The following EYS variants were observed in gnomAD, a reference collection of about 807,000 sequenced individuals.
EYS encodes EGF-like photoreceptor maintenance factor.
A neutral mutation model predicts 282.1 loss-of-function variants in EYS; 250 were observed. The ratio of observed to expected loss-of-function variants is 0.89; its 90% confidence interval spans 0.80 to 0.98. The LOEUF (loss-of-function observed/expected upper bound fraction) is 0.98. Ranked by LOEUF, EYS falls within the 50% of genes least tolerant of loss-of-function variation. The pLI, the probability that EYS is intolerant of heterozygous loss-of-function variation, is 0.00. For synonymous variants in EYS, 1,355 were observed against 1,282.9 expected (o/e 1.06, Z -1.20); for missense variants, 4,016 against 3,709.0 (o/e 1.08, Z -2.15).
At chr6:64,242,721 A>G (rs1766873917) in intron 30 of EYS, among the ~76,000 whole-genome samples, 1 of 151,274 alleles carries the variant, frequency 6.6e-6, no homozygotes, top group South Asian at 2.1e-4. Context: ...AATATTTTCA[A>G]TATTCTATGC....
intron 5 of EYS, among the ~76,000 whole-genome samples, chr6:65,460,096 CACAT>C (rs1562198120): frequency 1.4e-5 from 2 of 145,816 alleles, no homozygotes; most frequent in South Asian, 2.1e-4. Context: ...CACACACACA[CACAT>C]ACATATAAAA....
chr6:65,593,348 T>C (rs556325162), intron 2 of EYS, among the ~76,000 whole-genome samples: 1 of 152,020 alleles, frequency 6.6e-6, no homozygotes, highest in Non-Finnish European at 1.5e-5. Context: ...ACTTTTTGCT[T>C]CTCTATAATA....
intron 22 of EYS, among the ~76,000 whole-genome samples, chr6:64,666,227 C>T (rs1029760047): frequency 6.6e-6 from 1 of 152,062 alleles, no homozygotes; most frequent in South Asian, 2.1e-4. Context: ...TTCAAGTGTA[C>T]CCCCAAACCT....
chr6:64,322,029 G>T (rs6927405), intron 29 of EYS, among the ~76,000 whole-genome samples: 88,436 of 151,708 alleles, frequency 0.58, 26,834 homozygotes, highest in Non-Finnish European at 0.67. Flanking sequence ...TAGAAAGTGG[G>T]TTAAGTCAAA....
intron 26 of EYS, among the ~76,000 whole-genome samples, chr6:64,484,506 G>A (rs548911226): frequency 5.3e-5 from 8 of 151,722 alleles, no homozygotes; most frequent in African/African-American, 1.9e-4. Context: ...AGGCAGCTAT[G>A]GCTTGACATT....
At chr6:63,818,658 G>A (rs1410273712) in intron 36 of EYS, among the ~76,000 whole-genome samples, 3 of 152,258 alleles carry the variant, frequency 2.0e-5, no homozygotes, top group African/African-American at 2.4e-5. Context: ...TCATTTCCCT[G>A]GACTCTCACA....
chr6:65,330,989 G>A (rs536888419), intron 11 of EYS: 161 of 984,154 alleles, frequency 1.6e-4, no homozygotes, highest in Non-Finnish European at 1.9e-4. Context: ...GTATATACTC[G>A]GGTTGTTGTC....
At chr6:64,771,524 T>C (rs1198908157) in intron 22 of EYS, among the ~76,000 whole-genome samples, 2 of 151,764 alleles carry the variant, frequency 1.3e-5, no homozygotes, top group Middle Eastern at 3.2e-3. Context: ...GTTTACTGCA[T>C]ACATTTCACA....
intron 8 of EYS, among the ~76,000 whole-genome samples, chr6:65,358,967 A>G (rs1764597444): frequency 6.6e-6 from 1 of 152,052 alleles, no homozygotes; most frequent in Admixed American, 6.6e-5. Flanking sequence ...TAGTGAGTTG[A>G]ATGCCAAGGT....
chr6:64,518,255 A>G (rs191902235), intron 26 of EYS, among the ~76,000 whole-genome samples: 3 of 151,900 alleles, frequency 2.0e-5, no homozygotes, highest in East Asian at 1.9e-4. Context: ...GTAAAAAACA[A>G]AAACAAAACA....
At chr6:63,853,527 A>G (rs1205508093) in intron 36 of EYS, among the ~76,000 whole-genome samples, 2 of 152,236 alleles carry the variant, frequency 1.3e-5, no homozygotes, top group Non-Finnish European at 2.9e-5. Flanking sequence ...ATAGATAGGA[A>G]GAATCAATGT....
At chr6:64,716,487 CCTCT>C (rs555682302) in intron 22 of EYS, among the ~76,000 whole-genome samples, 214 of 152,282 alleles carry the variant, frequency 1.4e-3, no homozygotes, top group African/African-American at 4.8e-3. Context: ...ATTCATTAAT[CCTCT>C]CTAACAATTG....
chr6:65,140,708 A>C (rs9453201), intron 12 of EYS, among the ~76,000 whole-genome samples: 33,360 of 152,030 alleles, frequency 0.22, 4,296 homozygotes, highest in East Asian at 0.42. Flanking sequence ...TCTCAAAAGA[A>C]GACATTTATG....
chr6:63,835,765 G>GA (rs1377895788), intron 36 of EYS, among the ~76,000 whole-genome samples: 4 of 151,980 alleles, frequency 2.6e-5, no homozygotes, highest in African/African-American at 9.7e-5. Context: ...AACAGTTTTA[G>GA]AAATAAGAAC....
intron 15 of EYS, among the ~76,000 whole-genome samples, chr6:64,939,793 G>A (rs1158782534): frequency 6.6e-6 from 1 of 151,884 alleles, no homozygotes; most frequent in Non-Finnish European, 1.5e-5. Flanking sequence ...TATAAAGCAG[G>A]TTTAGAGCTA....
intron 36 of EYS, chr6:63,821,605 A>G (rs1424934153): frequency 1.3e-5 from 2 of 152,150 alleles, no homozygotes; most frequent in Non-Finnish European, 2.9e-5. Context: ...ATTGTTCAGC[A>G]CTCCAGAGGC....
intron 30 of EYS, among the ~76,000 whole-genome samples, chr6:64,237,921 G>T (rs956230049): frequency 2.6e-5 from 4 of 152,062 alleles, no homozygotes; most frequent in Non-Finnish European, 4.4e-5. Flanking sequence ...ATAAATGTTA[G>T]ATAGTAAAAC....
chr6:65,703,306 A>G (rs2149854156), intron 1 of EYS, among the ~76,000 whole-genome samples: 1 of 152,326 alleles, frequency 6.6e-6, no homozygotes, highest in East Asian at 1.9e-4. Context: ...TACATAAACC[A>G]TAAACAGATA....
intron 2 of EYS, among the ~76,000 whole-genome samples, chr6:65,617,328 ACAGT>A (rs1449385646): frequency 6.6e-6 from 1 of 152,116 alleles, no homozygotes; most frequent in Non-Finnish European, 1.5e-5. Context: ...TTTACTAGTG[ACAGT>A]CAGAATGCAA....
Sources: gnomAD v4.1 joint callset for allele counts (sites outside exome capture counted in the v4.1 genomes callset) on GRCh38, gnomAD v4.1.1 for gene constraint, MANE v1.5 for transcripts, NCBI Gene and HGNC (gene_info 2026-07-23, HGNC 2026-07-21) for gene names.